SWT1: variants seen among roughly 807,000 people sequenced by gnomAD.
SWT1 encodes the protein transcriptional protein SWT1.
Under a neutral mutation model 107.3 loss-of-function variants are expected in SWT1, and 33 were observed. The observed-to-expected ratio is 0.31, with a 90% CI of 0.23 to 0.41. The LOEUF (loss-of-function observed/expected upper bound fraction) is 0.41. Ranked by LOEUF, SWT1 falls within the 10% of genes least tolerant of loss-of-function variation. SWT1 has a pLI of 1.00. For missense variants in SWT1, 898 were observed against 1,028.9 expected (o/e 0.87, Z 1.74); for synonymous variants, 345 against 348.3 (o/e 0.99, Z 0.11).
chr1:185,273,559 C>T (rs527706650), intron 17 of SWT1, among the ~76,000 whole-genome samples: 101 of 150,730 alleles, frequency 6.7e-4, no homozygotes, highest in African/African-American at 2.4e-3. Context: ...AAAAATTAGC[C>T]GGGTATGGTG....
chr1:185,179,325 A>G (rs955608308), intron 5 of SWT1, among the ~76,000 whole-genome samples: 7 of 152,202 alleles, frequency 4.6e-5, no homozygotes, highest in Non-Finnish European at 1.0e-4. Context: ...TCCGTAAAGT[A>G]CATGTTAGTT....
intron 16 of SWT1, chr1:185,251,429 T>C (rs1662012361): frequency 6.6e-6 from 1 of 152,320 alleles, no homozygotes; most frequent in South Asian, 2.1e-4. Flanking sequence ...ATTGATTTTA[T>C]GTTGTCCATA....
intron 18 of SWT1, among the ~76,000 whole-genome samples, chr1:185,283,073 A>G (rs958078416): frequency 6.6e-6 from 1 of 152,222 alleles, no homozygotes; most frequent in Non-Finnish European, 1.5e-5. Context: ...GGTTCAGGAA[A>G]GTCCCAAACA....
chr1:185,251,357 C>T (rs1032613037), intron 16 of SWT1: 1 of 152,852 alleles, frequency 6.5e-6, no homozygotes, highest in Non-Finnish European at 1.5e-5. Context: ...TGATCACAGA[C>T]AGTTACAGAT....
chr1:185,162,782 C>T (rs140024746), intron 2 of SWT1, among the ~76,000 whole-genome samples: 27 of 151,788 alleles, frequency 1.8e-4, no homozygotes, highest in South Asian at 1.2e-3. Flanking sequence ...TTATACTATA[C>T]GGTAGTCTAT....
intron 16 of SWT1, among the ~76,000 whole-genome samples, chr1:185,258,295 T>C (rs1326898248): frequency 6.6e-6 from 1 of 152,192 alleles, no homozygotes; most frequent in African/African-American, 2.4e-5. Context: ...TTTCCTCTCC[T>C]TATTTTCTAA....
intron 16 of SWT1, among the ~76,000 whole-genome samples, chr1:185,243,164 A>G (rs1005912822): frequency 6.6e-6 from 1 of 152,176 alleles, no homozygotes; most frequent in Non-Finnish European, 1.5e-5. Flanking sequence ...GCTGGAGTGC[A>G]GTGCTGTGAT....
chr1:185,247,796 C>T (rs985432860), intron 16 of SWT1, among the ~76,000 whole-genome samples: 2 of 152,038 alleles, frequency 1.3e-5, no homozygotes, highest in African/African-American at 4.8e-5. Context: ...TCAACAAGCT[C>T]TGCTACAAAA....
chr1:185,287,519 A>G (rs1344953319), intron 18 of SWT1, among the ~76,000 whole-genome samples: 1 of 152,162 alleles, frequency 6.6e-6, no homozygotes, highest in African/African-American at 2.4e-5. Flanking sequence ...GACTCAGGTC[A>G]GATAGATGGT....
chr1:185,192,308 T>G (rs1657021814), intron 10 of SWT1, among the ~76,000 whole-genome samples: 1 of 152,186 alleles, frequency 6.6e-6, no homozygotes, highest in Non-Finnish European at 1.5e-5. Context: ...CTCTTGAGTT[T>G]TTCTTCTCAA....
At chr1:185,180,267 C>A in intron 5 of SWT1, 124 bp from the exon 6 acceptor site, 1 of 716,832 alleles carries the variant, frequency 1.4e-6, no homozygotes, top group Non-Finnish European at 2.5e-6. Context: ...TGCTAACCAT[C>A]CTGCAATATA....
chr1:185,250,194 C>G (rs1661904499), intron 16 of SWT1, among the ~76,000 whole-genome samples: 1 of 152,148 alleles, frequency 6.6e-6, no homozygotes, highest in South Asian at 2.1e-4. Context: ...GTGATGTGAT[C>G]ATAGCTCACT....
At position 185,290,775 on chromosome 1, in the gene SWT1, G is replaced by GT. The variant is rs1214068828; in HGVS notation, c.2676dup (p.Glu893Ter). On this transcript the variant is annotated frameshift_variant, in exon 19 of 19. Coordinates refer to ENST00000367500, the MANE Select transcript of SWT1 (RefSeq NM_017673.7). LOFTEE classifies it high-confidence loss of function. ...ATGGAGGCCAAAAACAGGGGATGGT[G>GT]TGAAGACATGCTCAACTATAGGATA... The GT allele has an allele frequency of 1.1e-5, 18 of 1,610,922 alleles. No homozygotes were observed. Among genetic ancestry groups the GT allele is most frequent in the Non-Finnish European group, 1.5e-5 (18 of 1,178,076 alleles).
At chr1:185,208,229 G>A (rs1658489305) in intron 13 of SWT1, among the ~76,000 whole-genome samples, 2 of 152,202 alleles carry the variant, frequency 1.3e-5, no homozygotes, top group South Asian at 2.1e-4. Flanking sequence ...GGAAAAAAAG[G>A]AAAAAAATTG....
At chr1:185,174,348 C>A (rs1489545572) in intron 4 of SWT1, 24 bp from the exon 5 acceptor site, 1 of 1,501,544 alleles carries the variant, frequency 6.7e-7, no homozygotes, top group South Asian at 1.4e-5. Context: ...ATAATGTAAC[C>A]TAGGTTTCTG....
At chr1:185,220,924 T>C (rs545389842) in intron 14 of SWT1, among the ~76,000 whole-genome samples, 1 of 152,356 alleles carries the variant, frequency 6.6e-6, no homozygotes, top group Non-Finnish European at 1.5e-5. Flanking sequence ...AATTCCTGTA[T>C]ATGTATGTGA....
intron 16 of SWT1, among the ~76,000 whole-genome samples, chr1:185,257,429 C>T (rs1032552709): frequency 4.6e-5 from 7 of 151,492 alleles, no homozygotes; most frequent in African/African-American, 1.5e-4. Context: ...TAGCAATCAG[C>T]GAGACTCCGT....
chr1:185,252,900 G>A (rs1413316151), intron 16 of SWT1, among the ~76,000 whole-genome samples: 1 of 145,892 alleles, frequency 6.9e-6, no homozygotes, highest in African/African-American at 2.6e-5. Context: ...TTCTTCTAGG[G>A]TTTTTATGGT....
chr1:185,204,966 A>G, intron 12 of SWT1, 103 bp downstream of exon 12: 1 of 616,726 alleles, frequency 1.6e-6, no homozygotes, highest in East Asian at 3.3e-5. Context: ...TTCATTGAAT[A>G]ATCTGTATCA....
Sources: gnomAD v4.1 joint callset for allele counts (sites outside exome capture counted in the v4.1 genomes callset) on GRCh38, gnomAD v4.1.1 for gene constraint, MANE v1.5 for transcripts, NCBI Gene and HGNC (gene_info 2026-07-23, HGNC 2026-07-21) for gene names.